NEB: variants seen among roughly 807,000 people sequenced by gnomAD.
The protein encoded by NEB is nemaline myopathy type 2.
In NEB, 512 loss-of-function variants were observed where a neutral mutation model predicts 952.2. The ratio of observed to expected loss-of-function variants is 0.54; its 90% CI spans 0.50 to 0.58. NEB has a LOEUF of 0.58. Ranked by LOEUF, NEB falls within the 20% of genes least tolerant of loss-of-function variation. The probability of loss-of-function intolerance (pLI) is 0.00; values close to 1 mark genes in which losing one functional copy is unlikely to be tolerated. For synonymous variants in NEB, 2,900 were observed against 3,149.8 expected, an observed-to-expected ratio of 0.92 and a Z score of 2.66; for missense variants, 8,428 against 9,231.1, an observed-to-expected ratio of 0.91 and a Z score of 3.56.
At position 151,734,224 on chromosome 2, in the gene NEB, G is replaced by T. The variant is rs1476941400; in HGVS notation, c.-114+174C>A. 3.3e-5 allele frequency among the ~76,000 whole-genome samples: 5 copies of T among 152,198 alleles called. No homozygotes were observed. In the South Asian group the frequency reaches 1.0e-3, roughly 32 times the overall value. On this transcript the variant is annotated intron_variant, in intron 1 of 181. Transcript: ENST00000397345. ...AAGGACTTGACTCTAATCACACACG[G>T]TACATAGCAGATATTAGTAGGGCCT...
At chr2:151,725,806 TA>T (rs1315766531) in intron 5 of NEB, among the ~76,000 whole-genome samples, 1 of 152,206 alleles carries the variant, frequency 6.6e-6, no homozygotes, top group Non-Finnish European at 1.5e-5. Flanking sequence ...GGAAATACCC[TA>T]AAATGATTCT....
rs761403503 is a variant in NEB at position 151,674,562 on chromosome 2, T to C, written c.3902A>G (p.Tyr1301Cys). 4.3e-6 allele frequency: 7 copies of C among 1,613,346 alleles called. No homozygotes were observed. The highest frequency in any genetic ancestry group is 5.9e-6 in the Non-Finnish European group (7 of 1,179,430). Reference sequence around the variant, plus strand: ...ATTGTTGCCCTTGGCTATTAAGTCATACCAATCCCGTTTATAACAGACCTG... The same window carrying C: ...ATTGTTGCCCTTGGCTATTAAGTCACACCAATCCCGTTTATAACAGACCTG... Reference protein sequence around the residue: ...ISDVCYKRDWYDLIAKGNNVL... With the variant: ...ISDVCYKRDWCDLIAKGNNVL... The change falls in exon 36 of 182, where the codon TAT (tyrosine) becomes TGT (cysteine). Residue 1301 changes from tyrosine to cysteine, a missense_variant. By Grantham distance (194) the Tyr-to-Cys change is radical. Transcript: ENST00000397345.
chr2:151,527,459 G>A lies in NEB; in HGVS notation c.21840+22C>T, dbSNP rs376233306. 2.2e-5 allele frequency: 34 copies of A among 1,558,766 alleles called. No individual in the cohort carries two copies. The East Asian group carries it at 3.6e-4, about 17-fold the overall frequency. On this transcript the variant is annotated intron_variant, in intron 147 of 181. Transcript: ENST00000397345. ...TCAGGTGCAGTATGCAGTTACAATC[G>A]TCTGTGTCTCTCCTGTCTTACATCG... is the stretch of plus-strand genomic sequence containing the variant.
chr2:151,676,466 T>A (rs897772334), intron 34 of NEB, among the ~76,000 whole-genome samples: 5 of 152,228 alleles, frequency 3.3e-5, no homozygotes, highest in African/African-American at 1.2e-4. Flanking sequence ...ACAAGCCTGA[T>A]AATGCGGCTC....
rs942065180 is a variant in NEB at position 151,560,195 on chromosome 2, G to A, written c.19314+397C>T. On this transcript the variant is annotated intron_variant, in intron 124 of 181. Transcript: ENST00000397345. The stretch of plus-strand genomic sequence containing the variant: ...TATAAAATAATTTATATTAACTGGG[G>A]ATGGTATAATAACCGGTTATCATAT... 9.2e-5 allele frequency among the ~76,000 whole-genome samples: 14 copies of A among 152,240 alleles called. No homozygotes were observed. In the South Asian group the frequency reaches 1.0e-3, roughly 11 times the overall value.
In NEB at chr2:151,610,552, G is replaced by T. The variant is rs780157705; in HGVS notation, c.11982C>A (p.Ile3994=). The T allele has an allele frequency of 1.2e-6, 2 of 1,613,620 alleles. No homozygotes were observed. The highest frequency in any genetic ancestry group is 1.3e-5 in the African/African-American group (1 of 75,008). Residue 3994 remains isoleucine, a synonymous_variant, in exon 80 of 182, where the codon ATC becomes ATA. Coordinates refer to ENST00000397345, the MANE Select transcript of NEB (RefSeq NM_001164508.2). ...DYDLRADAIS[I]KSAKASRDIA... ...TGTCCCTGGAGGCCTTGGCACTTTT[G>T]ATGGAAATAGCATCTGCTCTCAGAT...
At chr2:151,523,862 G>A (rs567324487) in intron 153 of NEB, among the ~76,000 whole-genome samples, 4 of 152,102 alleles carry the variant, frequency 2.6e-5, no homozygotes, top group Admixed American at 2.0e-4. Flanking sequence ...TTCCTAGCCC[G>A]GGCAGTTAAT....
rs2153307515 is a variant in NEB, at chr2:151,514,432, T to C, written c.23017-4A>G. 6.3e-7 allele frequency: 1 copy of C among 1,586,974 alleles called. No individual in the cohort carries two copies. Among genetic ancestry groups the C allele is most frequent in the East Asian group, 2.2e-5 (1 of 44,746 alleles). On this transcript the variant is annotated splice_polypyrimidine_tract_variant and splice_region_variant and intron_variant, in intron 158 of 181. Transcript: ENST00000397345. ...CTAGATCTTTCCTGTACTCTTTCTATATCATGAAAGAAAAGCAACAACATT... is the reference window on the plus strand; with the variant it reads ...CTAGATCTTTCCTGTACTCTTTCTACATCATGAAAGAAAAGCAACAACATT...
In NEB at chr2:151,553,860, G is replaced by A. The variant is rs2095478586; in HGVS notation, c.19594C>T (p.His6532Tyr). ...ICHPDLQVND[H>Y]VRKVTDQISD... ...ATCTGATCTGTGACTTTCCTGACGT[G>A]ATCATTGACTTGCAAGTCGGGGTGG... The change falls in exon 126 of 182, where the codon CAC becomes TAC. Residue 6532 changes from histidine to tyrosine, a missense_variant. Coordinates refer to ENST00000397345, the MANE Select transcript of NEB (RefSeq NM_001164508.2). 3 of 1,613,592 alleles carry A rather than the reference G, an allele frequency of 1.9e-6. No homozygotes were observed. The East Asian group carries it at 6.7e-5, about 36-fold the overall frequency.
chr2:151,520,738 C>G (rs1576018603), intron 153 of NEB, among the ~76,000 whole-genome samples: 1 of 151,816 alleles, frequency 6.6e-6, no homozygotes, highest in South Asian at 2.1e-4. Context: ...GTGGTGCACC[C>G]CTGTAGTCTC....
At chr2:151,696,259 A>G (rs960187712) in intron 17 of NEB, among the ~76,000 whole-genome samples, 2 of 152,208 alleles carry the variant, frequency 1.3e-5, no homozygotes, top group African/African-American at 4.8e-5. Context: ...TGTGCAGTGC[A>G]TATTTCTTCC....
chr2:151,560,096 A>G (rs779868991), intron 124 of NEB, among the ~76,000 whole-genome samples: 2 of 152,188 alleles, frequency 1.3e-5, no homozygotes, highest in Non-Finnish European at 2.9e-5. Flanking sequence ...TTTTACAATT[A>G]TGTTTATATC....
At chr2:151,609,719 G>A in intron 81 of NEB, 90 bp downstream of exon 81, 2 of 1,315,900 alleles carry the variant, frequency 1.5e-6, no homozygotes, top group Non-Finnish European at 2.1e-6. Context: ...GCAGTGCACA[G>A]CCCAGGGGAC....
At chr2:151,493,728 C>T in intron 175 of NEB, 47 bp downstream of exon 175, 4 of 1,351,254 alleles carry the variant, frequency 3.0e-6, no homozygotes, top group Non-Finnish European at 4.1e-6. Flanking sequence ...ACCATGTTTG[C>T]CAGGGCTGTT....
At chr2:151,512,689 T>C in intron 161 of NEB, 44 bp downstream of exon 161, 9 of 1,342,562 alleles carry the variant, frequency 6.7e-6, no homozygotes, top group Non-Finnish European at 9.6e-6. Context: ...TTCCATTCTT[T>C]CATGATTGGG....
In NEB at chr2:151,531,805, T is replaced by G. The variant is rs762919351; in HGVS notation, c.21509A>C (p.Lys7170Thr). ...TCTTGCACTTACATCGCTGATTTGT[T>G]TGTTGACTTTTGTAGTACGCAGGTG... ...PEHLRTTKVN[K>T]QISDILYKLE... The change falls in exon 144 of 182, where the codon AAA becomes ACA. Residue 7170 changes from lysine to threonine, a missense_variant. Transcript: ENST00000397345. The G allele has an allele frequency of 3.7e-6, 6 of 1,611,224 alleles. No individual in the cohort carries two copies. In the East Asian group the frequency reaches 6.7e-5, roughly 18 times the overall value.
At chr2:151,636,372 A>G (rs1415682502) in intron 63 of NEB, 38 bp from the exon 64 acceptor site, 2 of 1,491,100 alleles carry the variant, frequency 1.3e-6, no homozygotes, top group African/African-American at 1.4e-5. Flanking sequence ...GCTGACATTT[A>G]TATCTAAAAA....
intron 142 of NEB, chr2:151,534,355 C>T (rs912490907): frequency 4.5e-6 from 7 of 1,562,188 alleles, no homozygotes; most frequent in Admixed American, 1.7e-5. Context: ...AGCAAGAGTA[C>T]AACTTCAAGG....
intron 57 of NEB, 97 bp downstream of exon 57, chr2:151,643,721 G>C (rs2098917565): frequency 1.3e-6 from 2 of 1,530,480 alleles, no homozygotes; most frequent in East Asian, 2.3e-5. Context: ...ATTAGTCCAG[G>C]GTAATTGTGT....
Sources: allele counts gnomAD v4.1 joint callset (sites outside exome capture counted in the v4.1 genomes callset), GRCh38; gene constraint gnomAD v4.1.1; transcripts MANE v1.5; gene names NCBI Gene and HGNC (gene_info 2026-07-23, HGNC 2026-07-21).